Variants in HLCS observed in about 807,000 individuals in gnomAD.
HLCS encodes the protein biotin--protein ligase.
HLCS carries 53 observed loss-of-function variants against 75.0 expected under a neutral mutation model. The ratio of observed to expected loss-of-function variants is 0.71; its 90% CI spans 0.57 to 0.89. The LOEUF is 0.89. HLCS is among the 40% of genes least tolerant of loss of function. The probability of loss-of-function intolerance (pLI) is 0.00; values close to 1 mark genes in which losing one functional copy is unlikely to be tolerated. For synonymous variants in HLCS, 431 were observed against 428.6 expected (o/e 1.01, Z -0.07); for missense variants, 966 against 1,074.0 (o/e 0.90, Z 1.41).
intron 6 of HLCS, among the ~76,000 whole-genome samples, chr21:36,803,719 A>G (rs1340581466): frequency 6.7e-6 from 1 of 149,912 alleles, no homozygotes; most frequent in African/African-American, 2.5e-5. Context: ...AAAAACTTCC[A>G]AAGTGTTTTG....
intron 6 of HLCS, among the ~76,000 whole-genome samples, chr21:36,816,395 C>CAAA (rs34407031): frequency 1.1e-4 from 15 of 142,114 alleles, no homozygotes; most frequent in African/African-American, 2.6e-4. Context: ...GACCCTATCT[C>CAAA]AAAAAAAAAA....
intron 3 of HLCS, among the ~76,000 whole-genome samples, 187 bp from the exon 4 acceptor site, chr21:36,937,579 CCA>C (rs1414664922): frequency 1.3e-5 from 2 of 152,158 alleles, no homozygotes; most frequent in Non-Finnish European, 2.9e-5. Flanking sequence ...CTAATTGTTC[CCA>C]CCTGAAGACC....
intron 6 of HLCS, among the ~76,000 whole-genome samples, chr21:36,853,036 GGTT>G (rs1260233220): frequency 6.6e-6 from 1 of 152,140 alleles, no homozygotes; most frequent in Admixed American, 6.5e-5. Context: ...TTTTGCCATG[GGTT>G]TTGGCTTCCT....
rs539183619 is a variant in HLCS at position 36,965,454 on chromosome 21, A to G, written c.195+990T>C. Among the ~76,000 whole-genome samples, 4 of 152,376 alleles carry G rather than the reference A, an allele frequency of 2.6e-5. No individual in the cohort carries two copies. The South Asian group carries it at 8.3e-4, about 32-fold the overall frequency. On this transcript the variant is annotated intron_variant, in intron 1 of 10. Transcript: ENST00000674895. ...TCTATTGTTCCCTTTACAGCAAGGCAGCAGACTTTTTACAGAGATTAATTG... is the reference window on the plus strand; with the variant it reads ...TCTATTGTTCCCTTTACAGCAAGGCGGCAGACTTTTTACAGAGATTAATTG...
intron 9 of HLCS, 168 bp from the exon 10 acceptor site, chr21:36,756,923 T>A: frequency 6.1e-6 from 6 of 985,456 alleles, no homozygotes; most frequent in Non-Finnish European, 7.2e-6. Context: ...TTTCTGTCCA[T>A]CTTCCTTTTT....
chr21:36,785,139 G>A (rs1217530702), intron 6 of HLCS, among the ~76,000 whole-genome samples: 2 of 151,924 alleles, frequency 1.3e-5, no homozygotes, highest in Non-Finnish European at 2.9e-5. Context: ...CCACCCTGAC[G>A]CCCTGTGTGT....
intron 2 of HLCS, among the ~76,000 whole-genome samples, chr21:36,961,043 A>T (rs745995004): frequency 6.6e-6 from 1 of 152,210 alleles, no homozygotes; most frequent in Admixed American, 6.5e-5. Context: ...CAATTTAGGG[A>T]GTGCTGTTAC....
intron 6 of HLCS, among the ~76,000 whole-genome samples, chr21:36,880,193 A>G (rs545279614): frequency 3.0e-4 from 45 of 152,330 alleles, no homozygotes; most frequent in African/African-American, 1.1e-3. Flanking sequence ...AAAAACAGAA[A>G]CTGCCTGTAA....
chr21:36,839,341 C>G lies in HLCS; in HGVS notation c.1892+57519G>C, dbSNP rs184743158. Among the ~76,000 whole-genome samples the G allele has an allele frequency of 3.3e-3, 507 of 151,876 alleles. 1 individual carries two copies. Among genetic ancestry groups the G allele is most frequent in the African/African-American group, 0.012 (484 of 41,404 alleles). ...TGAATCTGAAACTGCTGACCATCTT[C>G]TTTGGAGTCACATGCTAGGAGGTAG... is the stretch of plus-strand genomic sequence containing the variant. On this transcript the variant is annotated intron_variant, in intron 6 of 10. Transcript: ENST00000674895.
intron 6 of HLCS, among the ~76,000 whole-genome samples, chr21:36,838,708 GAAA>G (rs55987643): frequency 2.8e-5 from 3 of 107,576 alleles, no homozygotes; most frequent in Non-Finnish European, 4.0e-5. Context: ...CGTCTCAAAA[GAAA>G]AAAAAAAAAA....
At chr21:36,793,014 G>C (rs1164219743) in intron 6 of HLCS, among the ~76,000 whole-genome samples, 1 of 152,286 alleles carries the variant, frequency 6.6e-6, no homozygotes, top group Non-Finnish European at 1.5e-5. Flanking sequence ...AGCATCCTTG[G>C]GGGCAGCTGC....
At chr21:36,908,998 T>C (rs999699798) in intron 5 of HLCS, among the ~76,000 whole-genome samples, 13 of 152,164 alleles carry the variant, frequency 8.5e-5, no homozygotes, top group Admixed American at 3.9e-4. Flanking sequence ...ATCGAGACCA[T>C]CCTGGCTAAC....
At chr21:36,931,518 G>A (rs1029592892) in intron 4 of HLCS, among the ~76,000 whole-genome samples, 2 of 152,094 alleles carry the variant, frequency 1.3e-5, no homozygotes, top group African/African-American at 2.4e-5. Context: ...GGAAGACCAA[G>A]ATGGGAGGAT....
intron 6 of HLCS, among the ~76,000 whole-genome samples, chr21:36,827,492 T>C (rs2062045437): frequency 6.7e-6 from 1 of 149,844 alleles, no homozygotes; most frequent in South Asian, 2.1e-4. Context: ...GAGAATCACT[T>C]GAACCTGGGA....
chr21:36,925,497 C>T (rs1253922123), intron 5 of HLCS, among the ~76,000 whole-genome samples: 3 of 152,186 alleles, frequency 2.0e-5, no homozygotes, highest in Admixed American at 1.3e-4. Context: ...GTAAAGGTGC[C>T]GACCTTCCTG....
At position 36,886,227 on chromosome 21, in the gene HLCS, C is replaced by T. The variant is rs144795494; in HGVS notation, c.1892+10633G>A. On this transcript the variant is annotated intron_variant, in intron 6 of 10. Coordinates refer to ENST00000674895, the MANE Select transcript of HLCS (RefSeq NM_001352514.2). ...CGGGCGGATCACGAGGTCAGGAAAT[C>T]GAGACCATCCTGGTGAACACGGTGA... 3.3e-3 allele frequency among the ~76,000 whole-genome samples: 501 copies of T among 151,748 alleles called. 5 individuals are homozygous for T. The highest frequency in any genetic ancestry group is 0.011 in the African/African-American group (468 of 41,324).
intron 6 of HLCS, among the ~76,000 whole-genome samples, chr21:36,875,805 C>A (rs945523611): frequency 6.6e-6 from 1 of 152,204 alleles, no homozygotes; most frequent in Non-Finnish European, 1.5e-5. Context: ...GGGGCAACGT[C>A]CCCCTGCTCG....
At chr21:36,938,756 G>A (rs544827770) in intron 3 of HLCS, 76 bp downstream of exon 3, 60 of 1,457,374 alleles carry the variant, frequency 4.1e-5, no homozygotes, top group East Asian at 9.1e-5. Flanking sequence ...CTCCTGCCTC[G>A]GCCTTCCAAA....
At chr21:36,885,527 T>C (rs1241402146) in intron 6 of HLCS, among the ~76,000 whole-genome samples, 1 of 149,856 alleles carries the variant, frequency 6.7e-6, no homozygotes, top group Admixed American at 6.6e-5. Context: ...AAAAAAAAGA[T>C]ACACATATCA....
Sources: allele counts gnomAD v4.1 joint callset (sites outside exome capture counted in the v4.1 genomes callset), GRCh38; gene constraint gnomAD v4.1.1; transcripts MANE v1.5; gene names NCBI Gene and HGNC (gene_info 2026-07-23, HGNC 2026-07-21).